The following SLC41A2 variants were observed in gnomAD, a reference collection of about 807,000 sequenced individuals.
SLC41A2 encodes the protein SLC41A1-like 1.
Under a neutral mutation model 58.3 loss-of-function variants are expected in SLC41A2, and 32 were observed. The ratio of observed to expected loss-of-function variants is 0.55; its 90% CI spans 0.41 to 0.74. The LOEUF (loss-of-function observed/expected upper bound fraction) is 0.74, where lower values mean the gene tolerates loss of function less well. Among genes scored for constraint, SLC41A2 ranks in the 30% least tolerant of loss-of-function variants. The pLI is 0.00. For missense variants in SLC41A2, 514 were observed against 680.6 expected (o/e 0.76, Z 2.72); for synonymous variants, 190 against 235.0 (o/e 0.81, Z 1.75).
chr12:104,925,528 G>A (rs917310235), intron 2 of SLC41A2, among the ~76,000 whole-genome samples: 6 of 151,724 alleles, frequency 4.0e-5, no homozygotes, highest in Non-Finnish European at 7.4e-5. Flanking sequence ...ACTGCAGTCC[G>A]GCCTGGGTGA....
At chr12:104,856,464 A>G (rs17036433) in intron 8 of SLC41A2, among the ~76,000 whole-genome samples, 5,902 of 152,212 alleles carry the variant, frequency 0.039, 229 homozygotes, top group East Asian at 0.15. Context: ...AAAAATACAG[A>G]CTACACTTGG....
intron 10 of SLC41A2, among the ~76,000 whole-genome samples, chr12:104,837,565 T>C (rs1478680911): frequency 2.6e-5 from 4 of 152,114 alleles, no homozygotes; most frequent in Admixed American, 6.5e-5. Context: ...ACTGGAGATA[T>C]CAGTCTGGAA....
At chr12:104,905,618 G>A (rs963397349) in intron 3 of SLC41A2, among the ~76,000 whole-genome samples, 1 of 152,242 alleles carries the variant, frequency 6.6e-6, no homozygotes, top group Non-Finnish European at 1.5e-5. Flanking sequence ...GTGGGTGGGA[G>A]GCTCAGGCAT....
intron 2 of SLC41A2, among the ~76,000 whole-genome samples, chr12:104,924,017 G>C (rs2046725820): frequency 6.6e-6 from 1 of 152,114 alleles, no homozygotes; most frequent in African/African-American, 2.4e-5. Context: ...ACAGAGGAGA[G>C]AAAAGATGTT....
At chr12:104,889,752 G>C (rs1261605415) in intron 4 of SLC41A2, among the ~76,000 whole-genome samples, 3 of 152,048 alleles carry the variant, frequency 2.0e-5, no homozygotes, top group East Asian at 1.9e-4. Context: ...ACAAACATTT[G>C]AAAATAACCT....
At chr12:104,951,255 A>G (rs2047941757) in intron 1 of SLC41A2, among the ~76,000 whole-genome samples, 1 of 152,216 alleles carries the variant, frequency 6.6e-6, no homozygotes, top group African/African-American at 2.4e-5. Flanking sequence ...ATAAACTTAT[A>G]CAAGTTAACA....
chr12:104,908,929 G>A (rs559985244), intron 3 of SLC41A2, among the ~76,000 whole-genome samples: 1 of 152,148 alleles, frequency 6.6e-6, no homozygotes, highest in Non-Finnish European at 1.5e-5. Flanking sequence ...TCACAACATT[G>A]TTCATAATAG....
rs117466250 is a variant in SLC41A2, at chr12:104,906,953, A to G, written c.663+2702T>C. Among the ~76,000 whole-genome samples, 810 of 152,280 alleles carry G rather than the reference A, an allele frequency of 5.3e-3. 15 individuals are homozygous for G. The highest frequency in any genetic ancestry group is 0.037 in the Admixed American group (572 of 15,300). On this transcript the variant is annotated intron_variant, in intron 3 of 10. Coordinates refer to ENST00000258538, the MANE Select transcript of SLC41A2 (RefSeq NM_001352171.3). The stretch of plus-strand genomic sequence containing the variant: ...GTCTTTCCTGACCACGTTGTGTAAA[A>G]TAGCCCTCAGGAATCATCCATCATC...
intron 10 of SLC41A2, among the ~76,000 whole-genome samples, chr12:104,810,654 G>A (rs569059913): frequency 3.7e-4 from 57 of 152,214 alleles, no homozygotes; most frequent in African/African-American, 5.3e-4. Context: ...CTATTTAGCC[G>A]ATTATTCCTT....
At chr12:104,915,031 T>C (rs1042928279) in intron 2 of SLC41A2, among the ~76,000 whole-genome samples, 1 of 152,254 alleles carries the variant, frequency 6.6e-6, no homozygotes, top group African/African-American at 2.4e-5. Flanking sequence ...CCGTAAAGTA[T>C]GACTTCTTGT....
chr12:104,925,144 T>C (rs908064564), intron 2 of SLC41A2, among the ~76,000 whole-genome samples: 1 of 152,234 alleles, frequency 6.6e-6, no homozygotes, highest in African/African-American at 2.4e-5. Flanking sequence ...AGCTGGTTGA[T>C]AGTTACATGG....
Position 104,928,651 on chromosome 12 carries a change from T to C in SLC41A2, c.-124A>G. Reference sequence around the variant, plus strand: ...TTGACTTCATTGTGTAGAAAATATTTCCACTAATAAAAGATGTTCAGAAGT... The same window carrying C: ...TTGACTTCATTGTGTAGAAAATATTCCCACTAATAAAAGATGTTCAGAAGT... On this transcript the variant is annotated 5_prime_UTR_variant, in exon 2 of 11. Coordinates refer to ENST00000258538, the MANE Select transcript of SLC41A2 (RefSeq NM_001352171.3). 2.0e-6 allele frequency: 1 copy of C among 489,476 alleles called. No homozygotes were observed. Among genetic ancestry groups the C allele is most frequent in the Non-Finnish European group, 3.4e-6 (1 of 295,008 alleles). The allele number at this position is 489,476 out of a possible 1,614,324, so 30.3% of individuals were successfully genotyped here.
chr12:104,951,181 A>T (rs573043703), intron 1 of SLC41A2, among the ~76,000 whole-genome samples: 3 of 152,336 alleles, frequency 2.0e-5, no homozygotes, highest in South Asian at 2.1e-4. Flanking sequence ...GCTAAATTAC[A>T]TTGCAATGAA....
intron 3 of SLC41A2, among the ~76,000 whole-genome samples, chr12:104,898,738 T>G (rs34475113): frequency 1.3e-5 from 2 of 152,088 alleles, no homozygotes; most frequent in African/African-American, 4.8e-5. Flanking sequence ...AAGAAATATC[T>G]AATAAAGGGC....
At chr12:104,815,502 C>T (rs928053097) in intron 10 of SLC41A2, among the ~76,000 whole-genome samples, 3 of 152,118 alleles carry the variant, frequency 2.0e-5, no homozygotes, top group Non-Finnish European at 2.9e-5. Flanking sequence ...ATTCCTTCAG[C>T]CAGCTCCTTC....
chr12:104,883,365 T>C (rs2044484466), intron 6 of SLC41A2, among the ~76,000 whole-genome samples: 2 of 152,204 alleles, frequency 1.3e-5, no homozygotes, highest in Non-Finnish European at 2.9e-5. Flanking sequence ...GTTCCATTGC[T>C]GAGGAGCTGT....
At chr12:104,857,777 T>G (rs1042845026) in intron 8 of SLC41A2, among the ~76,000 whole-genome samples, 6 of 143,410 alleles carry the variant, frequency 4.2e-5, no homozygotes, top group Non-Finnish European at 9.0e-5. Context: ...ACACCGCATG[T>G]TCTCACTCAT....
chr12:104,956,431 C>A (rs771291491), intron 1 of SLC41A2, among the ~76,000 whole-genome samples: 5 of 152,212 alleles, frequency 3.3e-5, no homozygotes, highest in Non-Finnish European at 7.3e-5. Flanking sequence ...GTAATCCCAG[C>A]ACTTTGGGAA....
At position 104,903,134 on chromosome 12, in the gene SLC41A2, C is replaced by T. The variant is rs114370509; in HGVS notation, c.663+6521G>A. Among the ~76,000 whole-genome samples the T allele has an allele frequency of 4.6e-3, 703 of 152,272 alleles. 4 individuals are homozygous for T. Among genetic ancestry groups the T allele is most frequent in the African/African-American group, 0.013 (560 of 41,540 alleles). On this transcript the variant is annotated intron_variant, in intron 3 of 10. Transcript: ENST00000258538. Reference sequence around the variant, plus strand: ...ATTCTCTCTGAAAATTAATTCTGGACTCCAACCACCTCTCACTGCATTCCC... The same window carrying T: ...ATTCTCTCTGAAAATTAATTCTGGATTCCAACCACCTCTCACTGCATTCCC...
Sources: gnomAD v4.1 joint callset for allele counts (sites outside exome capture counted in the v4.1 genomes callset) on GRCh38, gnomAD v4.1.1 for gene constraint, MANE v1.5 for transcripts, NCBI Gene and HGNC (gene_info 2026-07-23, HGNC 2026-07-21) for gene names.